The following LZTS2 variants were observed in gnomAD, a reference collection of about 807,000 sequenced individuals.
LZTS2 encodes leucine zipper putative tumor suppressor 2.
LZTS2 carries 32 observed loss-of-function variants against 60.6 expected under a neutral mutation model. The ratio of observed to expected loss-of-function variants is 0.53; its 90% CI spans 0.40 to 0.71. The LOEUF (loss-of-function observed/expected upper bound fraction) is 0.71, where lower values mean the gene tolerates loss of function less well. Among genes scored for constraint, LZTS2 ranks in the 30% least tolerant of loss-of-function variants. LZTS2 has a pLI of 0.00. For synonymous variants in LZTS2, 360 were observed against 393.1 expected (o/e 0.92, Z 1.00); for missense variants, 792 against 901.9 (o/e 0.88, Z 1.56).
exon 4 of LZTS2, chr10:101,007,197 C>T: frequency 1.3e-6 from 2 of 1,518,428 alleles, no homozygotes; most frequent in Non-Finnish European, 1.8e-6. Context: ...CTGTAGGGAG[C>T]TCTGCCAGAG....
exon 1 of LZTS2, chr10:101,002,299 C>G (rs1456658526): frequency 5.0e-6 from 2 of 402,858 alleles, no homozygotes; most frequent in Non-Finnish European, 8.7e-6. Flanking sequence ...TGAATTCACT[C>G]CTCAGCCCTG....
exon 1 of LZTS2, chr10:101,001,272 T>G (rs1852031632): frequency 6.6e-6 from 1 of 152,284 alleles, no homozygotes; most frequent in Non-Finnish European, 1.5e-5. Context: ...TTTCACAGGC[T>G]TTCTAATGAC....
intron 2 of LZTS2, 100 bp from the exon 4 acceptor site, chr10:101,005,358 T>C (rs1852148945): frequency 7.5e-7 from 1 of 1,334,278 alleles, no homozygotes. Flanking sequence ...TTTAATGGAA[T>C]CCACCCTTCC....
exon 3 of LZTS2, chr10:101,005,674 C>A: frequency 6.2e-7 from 1 of 1,604,448 alleles, no homozygotes. Context: ...GGAGCGGGAG[C>A]AGCGGGAGCT....
exon 1 of LZTS2, chr10:101,002,364 T>G: frequency 1.9e-6 from 1 of 540,006 alleles, no homozygotes; most frequent in Non-Finnish European, 3.0e-6. Flanking sequence ...TGAGATTCAT[T>G]CCAGCACTTG....
chr10:101,007,333 C>A, exon 4 of LZTS2: 1 of 1,417,662 alleles, frequency 7.1e-7, no homozygotes, highest in East Asian at 2.6e-5. Flanking sequence ...CAGGGTGGCC[C>A]TATGACTTGG....
At position 101,002,667 on chromosome 10, in the gene LZTS2, T is replaced by C. The variant is rs1218248999; in HGVS notation, c.129T>C (p.Ala43=). ...GCCGGCCCTGTCCCGGGGGGCCAGC[T>C]CCTCCCCGCCACCACGGCCCTCCTG... The change falls in exon 1 of 4, where the codon GCT becomes GCC. Residue 43 remains alanine (A), a synonymous_variant. Transcript: ENST00000370220. 7 of 1,608,646 alleles carry C rather than the reference T, an allele frequency of 4.4e-6. No individual in the cohort carries two copies. In the Middle Eastern group the frequency reaches 6.6e-4, roughly 152 times the overall value.
chr10:101,004,060 A>G (rs762963504), exon 2 of LZTS2: 3 of 1,613,372 alleles, frequency 1.9e-6, no homozygotes, highest in South Asian at 2.2e-5. Flanking sequence ...CCTCCTTCGG[A>G]TGAGGCCCTG....
exon 2 of LZTS2, chr10:101,004,070 G>A: frequency 6.2e-7 from 1 of 1,613,374 alleles, no homozygotes; most frequent in Non-Finnish European, 8.5e-7. Flanking sequence ...ATGAGGCCCT[G>A]CTGCACTGTG....
chr10:101,002,818 G>A lies in LZTS2; in HGVS notation c.280G>A (p.Asp94Asn), dbSNP rs760842501. 5.0e-6 allele frequency: 8 copies of A among 1,613,904 alleles called. No homozygotes were observed. In the Admixed American group the frequency reaches 1.3e-4, roughly 27 times the overall value. Residue 94 changes from aspartate (D) to asparagine (N), a missense_variant, in exon 1 of 4, where the codon GAC becomes AAC. Asp to Asn is a conservative substitution (Grantham distance 23). Coordinates refer to ENST00000370220, the Ensembl canonical transcript of LZTS2. ...CACCAGCTTCACCTACATCAATGAG[G>A]ACTTCCGGACAGAGTCACCCCCCAG... is the stretch of plus-strand genomic sequence containing the variant.
upstream of LZTS2, among the ~76,000 whole-genome samples, chr10:100,997,522 A>G (rs766827929): frequency 6.6e-6 from 1 of 151,862 alleles, no homozygotes; most frequent in Non-Finnish European, 1.5e-5. Flanking sequence ...GGACAGCGCC[A>G]GCCGGCCCGC....
exon 4 of LZTS2, chr10:101,006,925 T>C: frequency 6.6e-7 from 1 of 1,516,542 alleles, no homozygotes; most frequent in East Asian, 2.5e-5. Flanking sequence ...GGCGGCGGGG[T>C]GAGGAGCAGC....
exon 1 of LZTS2, chr10:101,000,618 C>A (rs1343882902): frequency 6.6e-6 from 1 of 152,510 alleles, no homozygotes; most frequent in Middle Eastern, 3.4e-3. Context: ...GAGCCTGTCT[C>A]CTTCCTTCAA....
At chr10:101,007,353 A>G in exon 4 of LZTS2, 1 of 1,419,170 alleles carries the variant, frequency 7.0e-7, no homozygotes, top group East Asian at 2.6e-5. Context: ...GAGGAGCAAG[A>G]TCAGACCGCT....
chr10:101,000,681 C>T (rs1590032114), exon 1 of LZTS2: 1 of 152,448 alleles, frequency 6.6e-6, no homozygotes, highest in East Asian at 1.9e-4. Context: ...GAGGTGCCAG[C>T]CCCCTTGGCC....
upstream of LZTS2, among the ~76,000 whole-genome samples, chr10:100,997,760 G>A (rs973693945): frequency 2.0e-5 from 3 of 152,218 alleles, no homozygotes; most frequent in South Asian, 6.2e-4. Flanking sequence ...ATCCACCCTA[G>A]TCCGGGGCGC....
exon 1 of LZTS2, chr10:101,002,689 C>T: frequency 6.2e-7 from 1 of 1,610,734 alleles, no homozygotes; most frequent in Non-Finnish European, 8.5e-7. Flanking sequence ...CCACGGCCCT[C>T]CTGGGCCCAC....
exon 2 of LZTS2, chr10:101,004,018 G>C: frequency 6.2e-7 from 1 of 1,613,268 alleles, no homozygotes; most frequent in Non-Finnish European, 8.5e-7. Flanking sequence ...AGCAGCTCCT[G>C]TGGGGAGCGC....
exon 1 of LZTS2, chr10:101,002,244 C>T (rs1564815947): frequency 1.0e-5 from 3 of 288,756 alleles, no homozygotes; most frequent in Non-Finnish European, 6.4e-6. Context: ...GGTGGCCCTG[C>T]GGTAATCATC....
Sources: gnomAD v4.1 joint callset for allele counts (sites outside exome capture counted in the v4.1 genomes callset) on GRCh38, gnomAD v4.1.1 for gene constraint, MANE v1.5 for transcripts, NCBI Gene and HGNC (gene_info 2026-07-23, HGNC 2026-07-21) for gene names.